The following MAPKAP1 variants were observed in gnomAD, a reference collection of about 807,000 sequenced individuals.
The protein encoded by MAPKAP1 is target of rapamycin complex 2 subunit MAPKAP1.
Under a neutral mutation model 65.7 loss-of-function variants are expected in MAPKAP1, and 20 were observed. That is an observed-to-expected ratio of 0.30 (90% CI 0.21 to 0.44). MAPKAP1 has a LOEUF of 0.44. Ranked by LOEUF, MAPKAP1 falls within the 20% of genes least tolerant of loss-of-function variation. The pLI is 1.00. For synonymous variants in MAPKAP1, 222 were observed against 244.3 expected (o/e 0.91, Z 0.85); for missense variants, 423 against 648.0 (o/e 0.65, Z 3.77).
chr9:125,600,841 T>C lies in MAPKAP1; in HGVS notation c.499-15114A>G, dbSNP rs550062860. ...GATGGGATTCTGTAGATCATTAATG[T>C]TACACAGTGCTTTGCATTTAACTAT... On this transcript the variant is annotated intron_variant, in intron 4 of 11. Transcript: ENST00000265960. Among the ~76,000 whole-genome samples the C allele has an allele frequency of 1.1e-3, 172 of 152,322 alleles. 1 individual carries two copies. The highest frequency in any genetic ancestry group is 3.8e-3 in the African/African-American group (160 of 41,570).
At chr9:125,674,420 G>C (rs532592289) in intron 1 of MAPKAP1, among the ~76,000 whole-genome samples, 1 of 152,300 alleles carries the variant, frequency 6.6e-6, no homozygotes, top group South Asian at 2.1e-4. Flanking sequence ...TCATCTGAGT[G>C]ACTTCCCTGC....
In MAPKAP1 at chr9:125,619,489, A is replaced by C. The variant is rs562061003; in HGVS notation, c.499-33762T>G. Among the ~76,000 whole-genome samples, 4 of 151,986 alleles carry C rather than the reference A, an allele frequency of 2.6e-5. No homozygotes were observed. The East Asian group carries it at 7.7e-4, about 29-fold the overall frequency. On this transcript the variant is annotated intron_variant, in intron 4 of 11. Coordinates refer to ENST00000265960, the MANE Select transcript of MAPKAP1 (RefSeq NM_001006617.3). The stretch of plus-strand genomic sequence containing the variant: ...AAGACTCCATTTAAAAAAAAAAAAA[A>C]CTGCGTTTTATTCTGTATATTATTG...
intron 10 of MAPKAP1, among the ~76,000 whole-genome samples, chr9:125,466,559 T>C (rs982494504): frequency 2.6e-5 from 4 of 152,222 alleles, no homozygotes; most frequent in African/African-American, 4.8e-5. Flanking sequence ...GAGAGAAAGA[T>C]GCTAGAACAA....
chr9:125,686,326 GAAAAGA>G (rs1241243210), intron 1 of MAPKAP1, among the ~76,000 whole-genome samples: 25 of 141,244 alleles, frequency 1.8e-4, no homozygotes, highest in Admixed American at 3.5e-4. Context: ...AAAAAAAAAA[GAAAAGA>G]AAAAGAAAAA....
chr9:125,521,683 CTCAAAACCCACAGCAGT>C, intron 7 of MAPKAP1: 2 of 1,594,666 alleles, frequency 1.3e-6, no homozygotes, highest in Non-Finnish European at 8.5e-7. Context: ...CAGTCCAGTA[CTCAAAACCCACAGCAGT>C]TCAAACCCAT....
chr9:125,483,785 A>C (rs1231390661), intron 9 of MAPKAP1, among the ~76,000 whole-genome samples: 1 of 152,024 alleles, frequency 6.6e-6, no homozygotes, highest in African/African-American at 2.4e-5. Context: ...AAAATACCCC[A>C]CCTTTTAGGT....
chr9:125,691,023 A>G (rs191853638), intron 1 of MAPKAP1, among the ~76,000 whole-genome samples: 2 of 152,324 alleles, frequency 1.3e-5, no homozygotes, highest in African/African-American at 4.8e-5. Context: ...GCACTGTGGG[A>G]GGCCGAGGTG....
chr9:125,459,169 C>T (rs1853346859), intron 10 of MAPKAP1, among the ~76,000 whole-genome samples: 1 of 149,592 alleles, frequency 6.7e-6, no homozygotes, highest in African/African-American at 2.5e-5. Flanking sequence ...CTCCTCACAT[C>T]CCAGACGGGG....
chr9:125,695,299 A>G (rs1223088457), intron 1 of MAPKAP1, among the ~76,000 whole-genome samples: 2 of 152,242 alleles, frequency 1.3e-5, no homozygotes, highest in African/African-American at 4.8e-5. Context: ...GCCGGTAAAG[A>G]GCATTCTATC....
At chr9:125,592,690 G>T (rs1247847382) in intron 4 of MAPKAP1, among the ~76,000 whole-genome samples, 1 of 151,024 alleles carries the variant, frequency 6.6e-6, no homozygotes, top group African/African-American at 2.4e-5. Context: ...AGATCACGAG[G>T]TCAGGAGATC....
intron 4 of MAPKAP1, among the ~76,000 whole-genome samples, chr9:125,649,496 C>A (rs1457173260): frequency 6.6e-6 from 1 of 152,170 alleles, no homozygotes; most frequent in Non-Finnish European, 1.5e-5. Context: ...TCTGAGTGCA[C>A]ATCCCTGTCA....
intron 10 of MAPKAP1, among the ~76,000 whole-genome samples, chr9:125,449,044 G>A (rs1425888592): frequency 2.7e-5 from 4 of 150,010 alleles, no homozygotes; most frequent in African/African-American, 7.4e-5. Flanking sequence ...AAAAAGTTAT[G>A]TATTAGTATG....
intron 3 of MAPKAP1, among the ~76,000 whole-genome samples, chr9:125,663,646 T>C (rs1452445078): frequency 6.6e-6 from 1 of 152,140 alleles, no homozygotes; most frequent in African/African-American, 2.4e-5. Context: ...AATGAATAAG[T>C]CTGGACCAGA....
rs1830840570 is a variant in MAPKAP1 at position 125,559,818 on chromosome 9, A to G, written c.672-9T>C. 9 of 1,606,334 alleles carry G rather than the reference A, an allele frequency of 5.6e-6. No individual in the cohort carries two copies. The highest frequency in any genetic ancestry group is 7.7e-6 in the Non-Finnish European group (9 of 1,174,966). ...AGGCACTGACATTGTCACTGAAAGG[A>G]AAACCAAAAAGGCGAGTGAATACCA... On this transcript the variant is annotated splice_polypyrimidine_tract_variant and intron_variant, in intron 5 of 11. Transcript: ENST00000265960.
intron 5 of MAPKAP1, among the ~76,000 whole-genome samples, chr9:125,579,706 C>T (rs1198178147): frequency 6.6e-6 from 1 of 152,192 alleles, no homozygotes; most frequent in Admixed American, 6.5e-5. Flanking sequence ...TTCACAGGGC[C>T]AACCCACTGG....
At chr9:125,519,371 C>T (rs187363208) in intron 7 of MAPKAP1, among the ~76,000 whole-genome samples, 3 of 152,178 alleles carry the variant, frequency 2.0e-5, no homozygotes, top group African/African-American at 4.8e-5. Flanking sequence ...TGCGGTTGCT[C>T]GTGCCTGTAA....
intron 3 of MAPKAP1, among the ~76,000 whole-genome samples, chr9:125,665,614 C>T (rs1362553662): frequency 6.6e-6 from 1 of 151,652 alleles, no homozygotes; most frequent in Non-Finnish European, 1.5e-5. Flanking sequence ...AATAAACAGC[C>T]TTGTTGCTCA....
At chr9:125,691,889 A>G (rs1396626707) in intron 1 of MAPKAP1, among the ~76,000 whole-genome samples, 2 of 152,222 alleles carry the variant, frequency 1.3e-5, no homozygotes, top group Admixed American at 6.5e-5. Context: ...CCTGGTACCC[A>G]CATGCTTGTA....
chr9:125,622,876 G>A (rs893686412), intron 4 of MAPKAP1, among the ~76,000 whole-genome samples: 1 of 152,016 alleles, frequency 6.6e-6, no homozygotes, highest in Non-Finnish European at 1.5e-5. Context: ...GGACTGTACT[G>A]CTGCCATCTC....
Sources: gnomAD v4.1 joint callset for allele counts (sites outside exome capture counted in the v4.1 genomes callset) on GRCh38, gnomAD v4.1.1 for gene constraint, MANE v1.5 for transcripts, NCBI Gene and HGNC (gene_info 2026-07-23, HGNC 2026-07-21) for gene names.